The following LNP1 variants were observed in gnomAD, a reference collection of about 807,000 sequenced individuals.
The protein encoded by LNP1 is leukemia NUP98 fusion partner 1.
In LNP1, 12 loss-of-function variants were observed where a neutral mutation model predicts 14.5. The observed-to-expected ratio is 0.83, with a 90% CI of 0.53 to 1.34. The LOEUF (loss-of-function observed/expected upper bound fraction) is 1.34, where lower values mean the gene tolerates loss of function less well. Ranked by LOEUF, LNP1 falls within the 40% of genes most tolerant of loss-of-function variation. LNP1 has a pLI of 0.00. For missense variants in LNP1, 198 were observed against 210.9 expected (o/e 0.94, Z 0.38); for synonymous variants, 75 against 71.4 (o/e 1.05, Z -0.26).
intron 1 of LNP1, among the ~76,000 whole-genome samples, chr3:100,403,504 G>A (rs907310777): frequency 6.7e-6 from 1 of 148,212 alleles, no homozygotes; most frequent in African/African-American, 2.5e-5. Flanking sequence ...CGCTCTTGTT[G>A]CCCAGGCTGG....
At chr3:100,433,928 TA>T (rs1394570722) in intron 2 of LNP1, among the ~76,000 whole-genome samples, 1 of 152,228 alleles carries the variant, frequency 6.6e-6, no homozygotes, top group Non-Finnish European at 1.5e-5. Context: ...TTGTTTCTTG[TA>T]AATTTGTTTA....
chr3:100,446,403 A>G (rs922402701), intron 2 of LNP1, among the ~76,000 whole-genome samples: 8 of 152,238 alleles, frequency 5.3e-5, no homozygotes, highest in African/African-American at 1.9e-4. Flanking sequence ...CCATATGTAG[A>G]AAGCTGAAAC....
chr3:100,417,652 T>C (rs897055030), intron 1 of LNP1, among the ~76,000 whole-genome samples: 1 of 152,122 alleles, frequency 6.6e-6, no homozygotes, highest in Non-Finnish European at 1.5e-5. Context: ...ATGCTGGGAT[T>C]ACAGACGTGA....
At chr3:100,408,689 G>C (rs556533991) in intron 1 of LNP1, among the ~76,000 whole-genome samples, 2 of 152,080 alleles carry the variant, frequency 1.3e-5, no homozygotes, top group African/African-American at 4.8e-5. Context: ...GTCATGGGGG[G>C]GTCTACCCAG....
At chr3:100,425,041 A>C (rs1707179810) in intron 1 of LNP1, among the ~76,000 whole-genome samples, 1 of 152,218 alleles carries the variant, frequency 6.6e-6, no homozygotes, top group Non-Finnish European at 1.5e-5. Flanking sequence ...CGAGCACAGC[A>C]CATCTCTGGG....
At chr3:100,435,184 G>T (rs1707282895) in intron 2 of LNP1, among the ~76,000 whole-genome samples, 1 of 152,204 alleles carries the variant, frequency 6.6e-6, no homozygotes, top group South Asian at 2.1e-4. Context: ...GTACCAGTGA[G>T]AACTCTATAG....
intron 3 of LNP1, among the ~76,000 whole-genome samples, chr3:100,454,552 T>G (rs1707490790): frequency 6.6e-6 from 1 of 152,226 alleles, no homozygotes; most frequent in South Asian, 2.1e-4. Flanking sequence ...ACTGTTTCTG[T>G]GTCCTGATCA....
At chr3:100,402,831 A>T (rs1706925631) in intron 1 of LNP1, among the ~76,000 whole-genome samples, 1 of 152,182 alleles carries the variant, frequency 6.6e-6, no homozygotes, top group African/African-American at 2.4e-5. Context: ...TTACTGTGAA[A>T]AGTCTTCCTT....
intron 3 of LNP1, among the ~76,000 whole-genome samples, chr3:100,454,984 C>T (rs962686619): frequency 2.0e-5 from 3 of 152,106 alleles, no homozygotes; most frequent in Non-Finnish European, 4.4e-5. Context: ...TAAATAGATA[C>T]GGTGGCCACA....
intron 2 of LNP1, among the ~76,000 whole-genome samples, chr3:100,447,973 G>A (rs1298411413): frequency 6.6e-6 from 1 of 152,044 alleles, no homozygotes; most frequent in East Asian, 1.9e-4. Flanking sequence ...TTTTTAACTG[G>A]AAAATACCCA....
At chr3:100,441,830 T>A (rs971039098) in intron 2 of LNP1, among the ~76,000 whole-genome samples, 5 of 151,692 alleles carry the variant, frequency 3.3e-5, no homozygotes, top group African/African-American at 4.8e-5. Context: ...ACCCAGCTAA[T>A]TTTTTTGTAT....
In LNP1 at chr3:100,456,279, A is replaced by G. The variant is rs1397874492; in HGVS notation, c.*353A>G. The G allele has an allele frequency of 1.2e-5, 2 of 166,182 alleles. No homozygotes were observed. Among genetic ancestry groups the G allele is most frequent in the Non-Finnish European group, 2.6e-5 (2 of 77,988 alleles). 10.3% of individuals were successfully genotyped at this position (166,182 alleles called of 1,614,324 possible). On this transcript the variant is annotated 3_prime_UTR_variant, in exon 4 of 4. Coordinates refer to ENST00000383693, the MANE Select transcript of LNP1 (RefSeq NM_001085451.2). ...ATAGCTTCACCAACCCTTCTCACAC[A>G]TCAACTCATAAATCATCTTAAATAA... is the stretch of plus-strand genomic sequence containing the variant.
At chr3:100,429,931 G>T (rs1405312414) in intron 2 of LNP1, 46 bp downstream of exon 2, 9 of 1,571,728 alleles carry the variant, frequency 5.7e-6, no homozygotes, top group Non-Finnish European at 6.9e-6. Context: ...GAATAGGGGA[G>T]GGGGTTTCTC....
chr3:100,438,780 A>G (rs1707315625), intron 2 of LNP1, among the ~76,000 whole-genome samples: 1 of 152,166 alleles, frequency 6.6e-6, no homozygotes, highest in African/African-American at 2.4e-5. Context: ...TGCCTGCTGC[A>G]ATGCTGTAGC....
At chr3:100,430,248 T>G (rs2148903493) in intron 2 of LNP1, among the ~76,000 whole-genome samples, 1 of 152,322 alleles carries the variant, frequency 6.6e-6, no homozygotes, top group East Asian at 1.9e-4. Context: ...TGATTTCCGT[T>G]TGAAATACTG....
chr3:100,434,506 G>T (rs1407789568), intron 2 of LNP1, among the ~76,000 whole-genome samples: 2 of 151,626 alleles, frequency 1.3e-5, no homozygotes, highest in Non-Finnish European at 2.9e-5. Flanking sequence ...GTCAGGTAGT[G>T]TGATGCCTCC....
chr3:100,407,089 C>T (rs540110660), intron 1 of LNP1, among the ~76,000 whole-genome samples: 3 of 152,286 alleles, frequency 2.0e-5, no homozygotes, highest in Admixed American at 6.5e-5. Context: ...ACTAAAGATA[C>T]GTGATTTACA....
intron 2 of LNP1, among the ~76,000 whole-genome samples, chr3:100,442,408 G>A (rs1168731581): frequency 6.6e-6 from 1 of 152,168 alleles, no homozygotes; most frequent in Non-Finnish European, 1.5e-5. Context: ...AGTGCCTAAG[G>A]TGGTCAGAGG....
Position 100,429,683 on chromosome 3 carries a change from T to C in LNP1, c.-33-14T>C, listed in dbSNP as rs779551293. On this transcript the variant is annotated splice_polypyrimidine_tract_variant and intron_variant, in intron 1 of 3. Transcript: ENST00000383693. ...TCAGCCCTGTTGGGTGATATTTCCC[T>C]CTGTCGCATTTAGGGACAGGCCTTC... 4 of 1,553,026 alleles carry C rather than the reference T, an allele frequency of 2.6e-6. No homozygotes were observed. In the East Asian group the frequency reaches 6.8e-5, roughly 26 times the overall value.
Sources: allele counts gnomAD v4.1 joint callset (sites outside exome capture counted in the v4.1 genomes callset), GRCh38; gene constraint gnomAD v4.1.1; transcripts MANE v1.5; gene names NCBI Gene and HGNC (gene_info 2026-07-23, HGNC 2026-07-21).